The following PHKB variants were observed in gnomAD, a reference collection of about 807,000 sequenced individuals.
PHKB encodes the protein phosphorylase kinase regulatory subunit beta.
Under a neutral mutation model 152.1 loss-of-function variants are expected in PHKB, and 122 were observed. That is an observed-to-expected ratio of 0.80 (90% confidence interval 0.69 to 0.93). The LOEUF (loss-of-function observed/expected upper bound fraction) is 0.93, where lower values mean the gene tolerates loss of function less well. Ranked by LOEUF, PHKB falls within the 40% of genes least tolerant of loss-of-function variation. The pLI is 0.00. For missense variants in PHKB, 1,304 were observed against 1,328.4 expected (o/e 0.98, Z 0.29); for synonymous variants, 436 against 464.9 (o/e 0.94, Z 0.80).
chr16:47,514,333 G>A (rs1175018379), intron 5 of PHKB, among the ~76,000 whole-genome samples: 1 of 152,154 alleles, frequency 6.6e-6, no homozygotes, highest in African/African-American at 2.4e-5. Context: ...CACTAATGTG[G>A]CTTAGTCCAC....
intron 1 of PHKB, among the ~76,000 whole-genome samples, chr16:47,464,947 A>G (rs1208941404): frequency 6.6e-6 from 1 of 151,774 alleles, no homozygotes; most frequent in Non-Finnish European, 1.5e-5. Flanking sequence ...CACAGTGAAA[A>G]CTCCTTGGCT....
At chr16:47,498,478 C>G (rs909411322) in intron 2 of PHKB, among the ~76,000 whole-genome samples, 2 of 152,026 alleles carry the variant, frequency 1.3e-5, no homozygotes, top group East Asian at 3.9e-4. Flanking sequence ...GAGTTTGAGA[C>G]CAGCCTGACC....
At chr16:47,546,097 C>T (rs1971158966) in intron 6 of PHKB, among the ~76,000 whole-genome samples, 1 of 152,198 alleles carries the variant, frequency 6.6e-6, no homozygotes, top group Non-Finnish European at 1.5e-5. Context: ...CTTCTTTGAA[C>T]TCGTCAAAGT....
At chr16:47,491,621 A>G (rs1970151963) in intron 1 of PHKB, among the ~76,000 whole-genome samples, 1 of 152,066 alleles carries the variant, frequency 6.6e-6, no homozygotes. Flanking sequence ...AGCTACACTG[A>G]CAGGCAGACT....
At chr16:47,603,503 C>CTTTT (rs1200510899) in intron 13 of PHKB, among the ~76,000 whole-genome samples, 1 of 132,592 alleles carries the variant, frequency 7.5e-6, no homozygotes, top group African/African-American at 2.8e-5. Context: ...AACTGACTTT[C>CTTTT]TTTTTTTTTT....
chr16:47,512,248 CAG>C (rs1346579174), intron 5 of PHKB, among the ~76,000 whole-genome samples: 1 of 152,134 alleles, frequency 6.6e-6, no homozygotes, highest in Non-Finnish European at 1.5e-5. Flanking sequence ...AACTCTGAAA[CAG>C]AGAAGAAAGT....
At chr16:47,648,715 G>A (rs1973180096) in intron 17 of PHKB, 99 bp downstream of exon 17, 1 of 791,246 alleles carries the variant, frequency 1.3e-6, no homozygotes, top group Non-Finnish European at 2.3e-6. Flanking sequence ...TTTTCATTAT[G>A]TACTCAGACT....
chr16:47,600,638 A>G (rs1222809146), intron 13 of PHKB, among the ~76,000 whole-genome samples: 2 of 152,232 alleles, frequency 1.3e-5, no homozygotes, highest in Admixed American at 6.5e-5. Flanking sequence ...AGCCTATATG[A>G]TATAGCCTAT....
intron 6 of PHKB, among the ~76,000 whole-genome samples, chr16:47,517,962 C>T (rs1042155600): frequency 3.3e-5 from 5 of 152,114 alleles, no homozygotes; most frequent in African/African-American, 7.2e-5. Flanking sequence ...AGTAAATGGA[C>T]CTGCATAGAA....
At chr16:47,574,018 CA>C (rs2151689438) in intron 7 of PHKB, among the ~76,000 whole-genome samples, 1 of 152,296 alleles carries the variant, frequency 6.6e-6, no homozygotes, top group African/African-American at 2.4e-5. Context: ...CTCCCGGGTC[CA>C]AGCGATTCTC....
intron 1 of PHKB, among the ~76,000 whole-genome samples, chr16:47,491,789 T>C (rs1433025600): frequency 6.6e-6 from 1 of 152,340 alleles, no homozygotes; most frequent in Admixed American, 6.5e-5. Flanking sequence ...TTTATCCACT[T>C]CCAGTTCCTG....
intron 10 of PHKB, among the ~76,000 whole-genome samples, chr16:47,593,170 GGAGAGA>G (rs3033549): frequency 1.4e-5 from 2 of 138,566 alleles, no homozygotes; most frequent in Non-Finnish European, 3.1e-5. Context: ...AAAGGGAGAG[GGAGAGA>G]GAGAGAGAGG....
intron 28 of PHKB, among the ~76,000 whole-genome samples, chr16:47,695,127 C>A (rs1315792779): frequency 6.6e-6 from 1 of 152,024 alleles, no homozygotes; most frequent in Non-Finnish European, 1.5e-5. Flanking sequence ...AGGATGTGAC[C>A]CCTGGCAGTG....
At chr16:47,547,221 G>A (rs934434492) in intron 6 of PHKB, among the ~76,000 whole-genome samples, 2 of 152,026 alleles carry the variant, frequency 1.3e-5, no homozygotes, top group African/African-American at 2.4e-5. Flanking sequence ...GGAGCTGTTC[G>A]TATTCGGCTG....
chr16:47,642,948 T>C (rs1459249236), intron 16 of PHKB, among the ~76,000 whole-genome samples: 1 of 152,178 alleles, frequency 6.6e-6, no homozygotes, highest in Admixed American at 6.5e-5. Flanking sequence ...AAGGCTCTTA[T>C]GCTGTGCTCT....
intron 26 of PHKB, among the ~76,000 whole-genome samples, 162 bp downstream of exon 26, chr16:47,669,579 T>C (rs1234779468): frequency 1.1e-4 from 16 of 152,114 alleles, no homozygotes; most frequent in Admixed American, 1.0e-3. Context: ...GTATGAAAAA[T>C]AAATGCCACT....
At chr16:47,607,055 T>C (rs1972338468) in intron 13 of PHKB, among the ~76,000 whole-genome samples, 1 of 152,240 alleles carries the variant, frequency 6.6e-6, no homozygotes, top group Non-Finnish European at 1.5e-5. Context: ...TAGAATTTTG[T>C]ATCAGGAAAC....
intron 7 of PHKB, among the ~76,000 whole-genome samples, chr16:47,575,155 A>G (rs1013123479): frequency 3.3e-5 from 5 of 152,246 alleles, no homozygotes; most frequent in Admixed American, 2.6e-4. Context: ...CCACAGTGAT[A>G]TATTGTTACA....
chr16:47,560,911 A>C (rs1971465507), intron 7 of PHKB, among the ~76,000 whole-genome samples: 1 of 152,188 alleles, frequency 6.6e-6, no homozygotes, highest in Non-Finnish European at 1.5e-5. Context: ...TTTTGTGGGA[A>C]GATTTTTGCA....
Sources: allele counts gnomAD v4.1 joint callset (sites outside exome capture counted in the v4.1 genomes callset), GRCh38; gene constraint gnomAD v4.1.1; transcripts MANE v1.5; gene names NCBI Gene and HGNC (gene_info 2026-07-23, HGNC 2026-07-21).